ZCCHC17: variants seen among roughly 807,000 people sequenced by gnomAD.
ZCCHC17 encodes the protein zinc finger CCHC domain-containing protein 17.
A neutral mutation model predicts 30.6 loss-of-function variants in ZCCHC17; 18 were observed. That is an observed-to-expected ratio of 0.59 (90% CI 0.41 to 0.87). ZCCHC17 has a LOEUF of 0.87. Ranked by LOEUF, ZCCHC17 falls within the 40% of genes least tolerant of loss-of-function variation. The pLI is 0.00. For missense variants in ZCCHC17, 263 were observed against 284.2 expected, an observed-to-expected ratio of 0.93 and a Z score of 0.54; for synonymous variants, 88 against 92.4, an observed-to-expected ratio of 0.95 and a Z score of 0.27.
chr1:31,356,175 C>T (rs902991040), intron 7 of ZCCHC17, among the ~76,000 whole-genome samples: 4 of 152,278 alleles, frequency 2.6e-5, no homozygotes, highest in Middle Eastern at 3.4e-3. Context: ...TACACTCAAG[C>T]GGCTAATCAT....
intron 1 of ZCCHC17, among the ~76,000 whole-genome samples, chr1:31,298,775 G>A (rs1408078658): frequency 6.6e-6 from 1 of 152,222 alleles, no homozygotes; most frequent in Non-Finnish European, 1.5e-5. Context: ...GTGCTCAGAA[G>A]AGAGATTTGT....
In ZCCHC17 at chr1:31,310,145, A is replaced by G; in HGVS notation, c.47A>G (p.Tyr16Cys). 1 of 1,614,180 alleles carries G rather than the reference A, an allele frequency of 6.2e-7. No individual in the cohort carries two copies. The highest frequency in any genetic ancestry group is 8.5e-7 in the Non-Finnish European group (1 of 1,180,026). Reference protein sequence around the residue: ...PETMENLPALYTIFQGEVAMV... With the variant: ...PETMENLPALCTIFQGEVAMV... ...ACCATGGAAAACTTGCCTGCTCTCT[A>G]CACTATTTTCCAAGGAGAGGTATAT... is the stretch of plus-strand genomic sequence containing the variant. Residue 16 changes from tyrosine to cysteine, a missense_variant, in exon 2 of 8, where the codon TAC becomes TGC. Coordinates refer to ENST00000344147, the MANE Select transcript of ZCCHC17 (RefSeq NM_016505.4).
chr1:31,317,024 C>CTTTTTTTTTTTTTTTTTTTTTTTTTTTT (rs1196920105), intron 2 of ZCCHC17, among the ~76,000 whole-genome samples: 1 of 126,544 alleles, frequency 7.9e-6, no homozygotes. Context: ...AACTTTTTTT[C>CTTTTTTTTTTTTTTTTTTTTTTTTTTTT]TTTTTTTTTT....
At chr1:31,315,146 G>A (rs1646702119) in intron 2 of ZCCHC17, among the ~76,000 whole-genome samples, 2 of 152,164 alleles carry the variant, frequency 1.3e-5, no homozygotes, top group Admixed American at 1.3e-4. Flanking sequence ...CAGAGGCCAT[G>A]ATTGTCTCAT....
chr1:31,326,929 G>A (rs756233), intron 3 of ZCCHC17, among the ~76,000 whole-genome samples: 7,260 of 152,242 alleles, frequency 0.048, 301 homozygotes, highest in Admixed American at 0.14. Context: ...AATAACTCTG[G>A]TCTGATCAGG....
chr1:31,344,027 G>GT (rs1207120001), intron 5 of ZCCHC17, among the ~76,000 whole-genome samples: 9 of 151,542 alleles, frequency 5.9e-5, no homozygotes, highest in Admixed American at 2.6e-4. Flanking sequence ...GCTAATTTTT[G>GT]TTTTTTTAGT....
At chr1:31,339,421 T>C (rs1247177430) in intron 5 of ZCCHC17, among the ~76,000 whole-genome samples, 2 of 152,024 alleles carry the variant, frequency 1.3e-5, no homozygotes, top group Non-Finnish European at 2.9e-5. Flanking sequence ...TGCACTAGAG[T>C]CTCTTGAACC....
chr1:31,325,456 C>T (rs1016042684), intron 3 of ZCCHC17, among the ~76,000 whole-genome samples: 2 of 152,184 alleles, frequency 1.3e-5, no homozygotes, highest in African/African-American at 4.8e-5. Context: ...CACCATGTTC[C>T]CCAGAGTCCA....
chr1:31,306,268 A>G (rs763806090), intron 1 of ZCCHC17, among the ~76,000 whole-genome samples: 1 of 152,122 alleles, frequency 6.6e-6, no homozygotes, highest in Non-Finnish European at 1.5e-5. Context: ...GTATACCAAA[A>G]TTGCCAGCAT....
intron 2 of ZCCHC17, among the ~76,000 whole-genome samples, chr1:31,313,089 C>CT (rs994163079): frequency 5.1e-5 from 4 of 78,496 alleles, no homozygotes; most frequent in Non-Finnish European, 1.0e-4. Context: ...TTTTTTTTTT[C>CT]TTTTTTTTGA....
At chr1:31,345,551 T>TATATATATATTATATATATATA (rs1557452359) in intron 5 of ZCCHC17, among the ~76,000 whole-genome samples, 3 of 140,600 alleles carry the variant, frequency 2.1e-5, no homozygotes, top group Non-Finnish European at 3.0e-5. Flanking sequence ...GACATTTATA[T>TATATATATATTATATATATATA]ATATATATAT....
In ZCCHC17 at chr1:31,353,571, A is replaced by G. The variant is rs370680348; in HGVS notation, c.564+4597A>G. ...ACTCAAGAAATCATTGCCAAATCCA[A>G]TGTCATGAAGCTTTTCCCTTATATT... On this transcript the variant is annotated intron_variant, in intron 7 of 7. Transcript: ENST00000344147. Among the ~76,000 whole-genome samples, 23 of 152,314 alleles carry G rather than the reference A, an allele frequency of 1.5e-4. 2 individuals carry two copies. The South Asian group carries it at 1.9e-3, about 12-fold the overall frequency.
intron 5 of ZCCHC17, among the ~76,000 whole-genome samples, chr1:31,343,489 T>C (rs1040566432): frequency 6.6e-6 from 1 of 152,198 alleles, no homozygotes; most frequent in African/African-American, 2.4e-5. Context: ...ATCCATAGTT[T>C]GTTAGCCACC....
chr1:31,300,402 G>A (rs1416456306), intron 1 of ZCCHC17, among the ~76,000 whole-genome samples: 5 of 152,068 alleles, frequency 3.3e-5, no homozygotes, highest in African/African-American at 4.8e-5. Flanking sequence ...CAGTGTAATT[G>A]GTGTTATTTT....
intron 4 of ZCCHC17, among the ~76,000 whole-genome samples, chr1:31,338,156 A>AT (rs1638894755): frequency 8.8e-6 from 1 of 113,448 alleles, no homozygotes; most frequent in Non-Finnish European, 1.9e-5. Context: ...TTTTTTTTTA[A>AT]TTTTTTTGTC....
intron 1 of ZCCHC17, among the ~76,000 whole-genome samples, chr1:31,308,149 C>G (rs1427380814): frequency 6.6e-6 from 1 of 152,164 alleles, no homozygotes; most frequent in Non-Finnish European, 1.5e-5. Context: ...GAATGTAAAA[C>G]TTGGAATTAA....
intron 3 of ZCCHC17, among the ~76,000 whole-genome samples, chr1:31,320,557 A>G (rs1190927334): frequency 6.6e-6 from 1 of 152,200 alleles, no homozygotes; most frequent in Non-Finnish European, 1.5e-5. Flanking sequence ...ATTTCTTGTA[A>G]ATGGAATAAT....
intron 5 of ZCCHC17, among the ~76,000 whole-genome samples, chr1:31,339,797 G>A (rs562097703): frequency 1.2e-4 from 18 of 152,142 alleles, no homozygotes; most frequent in East Asian, 5.8e-4. Context: ...CAACTCCAGC[G>A]GGGTTTAGAC....
At chr1:31,350,762 G>A (rs1220609719) in intron 7 of ZCCHC17, among the ~76,000 whole-genome samples, 1 of 152,032 alleles carries the variant, frequency 6.6e-6, no homozygotes, top group Non-Finnish European at 1.5e-5. Context: ...ACCATGCCCG[G>A]CTAATTTTTG....
Sources: allele counts gnomAD v4.1 joint callset (sites outside exome capture counted in the v4.1 genomes callset), GRCh38; gene constraint gnomAD v4.1.1; transcripts MANE v1.5; gene names NCBI Gene and HGNC (gene_info 2026-07-23, HGNC 2026-07-21).